ADAMTS1: variants seen among roughly 807,000 people sequenced by gnomAD.
ADAMTS1 encodes the protein A disintegrin and metalloproteinase with thrombospondin motifs 1.
Under a neutral mutation model 87.9 loss-of-function variants are expected in ADAMTS1, and 19 were observed. The observed-to-expected ratio is 0.22, with a 90% CI of 0.15 to 0.32. The LOEUF is 0.32. Ranked by LOEUF, ADAMTS1 falls within the 10% of genes least tolerant of loss-of-function variation. The pLI is 1.00. For synonymous variants in ADAMTS1, 542 were observed against 501.8 expected (o/e 1.08, Z -1.07); for missense variants, 1,240 against 1,259.1 (o/e 0.98, Z 0.23).
intron 3 of ADAMTS1, chr21:26,841,570 T>A (rs1165357566): frequency 3.8e-5 from 12 of 317,434 alleles, no homozygotes; most frequent in Non-Finnish European, 6.8e-5. Flanking sequence ...AAATAACATT[T>A]CTAGAGAAAG....
Position 26,844,276 on chromosome 21 carries a change from C to CCCCTTCGTCCTCGCCCTCAGT in ADAMTS1, c.658_678dup (p.Thr220_Gly226dup), listed in dbSNP as rs766117567. The CCCCTTCGTCCTCGCCCTCAGT allele has an allele frequency of 1.2e-5, 19 of 1,599,284 alleles. No homozygotes were observed. The highest frequency in any genetic ancestry group is 1.4e-5 in the Non-Finnish European group (17 of 1,173,274). On this transcript the variant is annotated inframe_insertion, in exon 1 of 9. Coordinates refer to ENST00000284984, the MANE Select transcript of ADAMTS1 (RefSeq NM_006988.5). Reference sequence around the variant, plus strand: ...GCCGGGTCCTGCGGCGACCACTGAGCCCCTTCGTCCTCGCCCTCAGTCCCT... The same window carrying CCCCTTCGTCCTCGCCCTCAGT: ...GCCGGGTCCTGCGGCGACCACTGAGCCCCTTCGTCCTCGCCCTCAGTCCCTTCGTCCTCGCCCTCAGTCCCT...
chr21:26,841,748 A>G, intron 3 of ADAMTS1, 110 bp downstream of exon 3: 1 of 1,218,700 alleles, frequency 8.2e-7, no homozygotes, highest in East Asian at 2.4e-5. Context: ...AGTTTCTAAG[A>G]TGCACTAGGA....
chr21:26,843,553 T>C (rs1038746237), intron 1 of ADAMTS1: 4 of 469,502 alleles, frequency 8.5e-6, no homozygotes, highest in African/African-American at 4.0e-5. Context: ...CTTTCAACAG[T>C]GCTTGAGAGC....
At position 26,841,957 on chromosome 21, in the gene ADAMTS1, C is replaced by T; in HGVS notation, c.1111G>A (p.Gly371Arg). 1.2e-6 allele frequency: 2 copies of T among 1,614,092 alleles called. No individual in the cohort carries two copies. The highest frequency in any genetic ancestry group is 1.3e-5 in the African/African-American group (1 of 75,038). Residue 371 changes from glycine to arginine, a missense_variant, in exon 3 of 9, where the codon GGG (glycine) becomes AGG (arginine). By Grantham distance (125) the Gly-to-Arg change is moderately radical (BLOSUM62 -2). Around this residue, in one of 3 missense-constraint regions of ADAMTS1, gnomAD observed 317 missense variants for 410.3 expected, o/e 0.77. Coordinates refer to ENST00000284984, the MANE Select transcript of ADAMTS1 (RefSeq NM_006988.5). ...CACACAGTTCCAACATCAGCCATCC[C>T]AAGAGTATCACATGTCTGGGACCCA... ...LCGSQTCDTL[G>R]MADVGTVCDP...
rs763056812 is a variant in ADAMTS1, at chr21:26,839,772, GAAT to G, written c.1853-13_1853-11del. 6.2e-7 allele frequency: 1 copy of G among 1,604,340 alleles called. No homozygotes were observed. ...TCTCTAAAGGTTTTTCCTGGAAAGA[GAAT>G]AATATGATAACATTATCAGTTTCCA... On this transcript the variant is annotated splice_polypyrimidine_tract_variant and intron_variant, in intron 6 of 8. Transcript: ENST00000284984.
Position 26,842,301 on chromosome 21 carries a change from A to G in ADAMTS1, c.1077+38T>C, listed in dbSNP as rs765758277. 6 of 1,589,408 alleles carry G rather than the reference A, an allele frequency of 3.8e-6. No homozygotes were observed. The South Asian group carries it at 4.6e-5, about 12-fold the overall frequency. ...CTTTTTGGTACAACGTAGACTCCTA[A>G]GAGGACAGTCTCACAGCTGGTACCA... On this transcript the variant is annotated intron_variant, in intron 2 of 8. Transcript: ENST00000284984.
rs1245661624 is a variant in ADAMTS1, at chr21:26,844,266, G to A, written c.689C>T (p.Ser230Leu). ...TEGEDEGAQWSPQDPALQGVG... is the reference protein window; with the variant it reads ...TEGEDEGAQWLPQDPALQGVG... The stretch of plus-strand genomic sequence containing the variant: ...GCCTTGCAGTGCCGGGTCCTGCGGC[G>A]ACCACTGAGCCCCTTCGTCCTCGCC... Residue 230 changes from serine (S) to leucine (L), a missense_variant, in exon 1 of 9, where the codon TCG becomes TTG. Coordinates refer to ENST00000284984, the MANE Select transcript of ADAMTS1 (RefSeq NM_006988.5). 2 of 1,589,736 alleles carry A rather than the reference G, an allele frequency of 1.3e-6. No homozygotes were observed. The highest frequency in any genetic ancestry group is 2.3e-5 in the South Asian group (2 of 87,480).
chr21:26,837,761 G>C lies in ADAMTS1; in HGVS notation c.2722C>G (p.Pro908Ala), dbSNP rs772818109. 3.7e-6 allele frequency: 6 copies of C among 1,614,184 alleles called. No individual in the cohort carries two copies. Among genetic ancestry groups the C allele is most frequent in the Non-Finnish European group, 5.1e-6 (6 of 1,180,042 alleles). Residue 908 changes from proline to alanine, a missense_variant, in exon 9 of 9, where the codon CCC (proline) becomes GCC (alanine). Coordinates refer to ENST00000284984, the MANE Select transcript of ADAMTS1 (RefSeq NM_006988.5). ...PASTRPCADH[P>A]CPQWQLGEWS... ...TCCCCCAGCTGCCACTGGGGGCAGG[G>C]ATGGTCTGCACAAGGTCTGGTGCTG...
Position 26,839,696 on chromosome 21 carries a change from C to A in ADAMTS1, c.1919G>T (p.Gly640Val). 3 of 1,613,670 alleles carry A rather than the reference C, an allele frequency of 1.9e-6. No homozygotes were observed. Among genetic ancestry groups the A allele is most frequent in the Non-Finnish European group, 2.5e-6 (3 of 1,179,634 alleles). Residue 640 changes from glycine (G) to valine (V), a missense_variant, in exon 7 of 9, where the codon GGG becomes GTG. Physicochemically the swap from Gly to Val is moderately radical, Grantham distance 109. This residue lies in a region of ADAMTS1 where 402 missense variants were observed against 399.1 expected (regional missense o/e 1.01). Transcript: ENST00000284984. Reference protein sequence around the residue: ...NEFSKASFGSGPAVEWIPKYA... With the variant: ...NEFSKASFGSVPAVEWIPKYA... ...CTTGGGAATCCATTCCACCGCAGGC[C>A]CACTCCCAAAGGAAGCTTTTGAAAA...
chr21:26,840,748 A>G (rs1985476656), intron 4 of ADAMTS1, among the ~76,000 whole-genome samples, 186 bp from the exon 5 acceptor site: 1 of 152,216 alleles, frequency 6.6e-6, no homozygotes, highest in Non-Finnish European at 1.5e-5. Context: ...TCAATGGGGT[A>G]TTTCTATATT....
In ADAMTS1 at chr21:26,838,475, G is replaced by C. The variant is rs1985424088; in HGVS notation, c.2168C>G (p.Thr723Ser). The C allele has an allele frequency of 1.9e-6, 3 of 1,614,080 alleles. No individual in the cohort carries two copies. Among genetic ancestry groups the C allele is most frequent in the Admixed American group, 1.7e-5 (1 of 60,020 alleles). ...KCGVCGGNGS[T>S]CKKISGSVTS... ...AACTGATCCTGATATTTTTTTACAA[G>C]TAGATCCATTTCCCCCGCAAACACC... is the stretch of plus-strand genomic sequence containing the variant. The change falls in exon 8 of 9, where the codon ACT (threonine) becomes AGT (serine). Residue 723 changes from threonine (T) to serine (S), a missense_variant. Coordinates refer to ENST00000284984, the MANE Select transcript of ADAMTS1 (RefSeq NM_006988.5).
chr21:26,838,624 G>C lies in ADAMTS1; in HGVS notation c.2029-10C>G, dbSNP rs771671933. ...GAGTACCATCTACAACCTGAAAAAAGGACACATGTCTAGTGTTACATACAA... is the reference window on the plus strand; with the variant it reads ...GAGTACCATCTACAACCTGAAAAAACGACACATGTCTAGTGTTACATACAA... On this transcript the variant is annotated splice_polypyrimidine_tract_variant and intron_variant, in intron 7 of 8. Transcript: ENST00000284984. The C allele has an allele frequency of 6.2e-7, 1 of 1,612,232 alleles. No individual in the cohort carries two copies. The highest frequency in any genetic ancestry group is 1.3e-5 in the African/African-American group (1 of 74,868).
In ADAMTS1 at chr21:26,837,886, C is replaced by T; in HGVS notation, c.2597G>A (p.Cys866Tyr). The T allele has an allele frequency of 6.2e-7, 1 of 1,614,228 alleles. No individual in the cohort carries two copies. Among genetic ancestry groups the T allele is most frequent in the Non-Finnish European group, 8.5e-7 (1 of 1,180,038 alleles). Residue 866 changes from cysteine to tyrosine, a missense_variant, in exon 9 of 9, where the codon TGT (cysteine) becomes TAT (tyrosine). Cys to Tyr is a radical substitution (Grantham distance 194). Transcript: ENST00000284984. ...CCAACCCAATTCACATGACTTAGAA[C>T]ATTCGCCCCACTCTTCAATGACCCA... ...SAWVIEEWGE[C>Y]SKSCELGWQR...
At position 26,842,666 on chromosome 21, in the gene ADAMTS1, C is replaced by A; in HGVS notation, c.750G>T (p.Lys250Asn). The change falls in exon 2 of 9, where the codon AAG becomes AAT. Residue 250 changes from lysine to asparagine, a missense_variant. This residue lies in a region of ADAMTS1 where 521 missense variants were observed against 449.7 expected (regional missense o/e 1.16). Transcript: ENST00000284984. ...AGCGGTGACTGGACACAAATCGCTT[C>A]TTTCTTATGCTTCCAGTTCCTGTAA... Reference protein sequence around the residue: ...GQPTGTGSIRKKRFVSSHRYV... With the variant: ...GQPTGTGSIRNKRFVSSHRYV... 1 of 1,612,520 alleles carries A rather than the reference C, an allele frequency of 6.2e-7. No individual in the cohort carries two copies. Among genetic ancestry groups the A allele is most frequent in the Non-Finnish European group, 8.5e-7 (1 of 1,179,348 alleles).
rs756649713 is a variant in ADAMTS1, at chr21:26,838,076, C to T, written c.2407G>A (p.Gly803Ser). 16 of 1,613,996 alleles carry T rather than the reference C, an allele frequency of 9.9e-6. No individual in the cohort carries two copies. The highest frequency in any genetic ancestry group is 3.3e-4 in the Middle Eastern group (2 of 6,084). ...ATTCTTTCCAATGCCGCAGAGGAGC[C>T]GCTGTACCTCAAGACAACACCTTTG... The part of the protein sequence containing the change: ...MYKGVVLRYS[G>S]SSAALERIRS... Residue 803 changes from glycine (G) to serine (S), a missense_variant, in exon 9 of 9, where the codon GGC becomes AGC. Physicochemically the swap from Gly to Ser is moderately conservative, Grantham distance 56 (BLOSUM62 0). Around this residue, in one of 3 missense-constraint regions of ADAMTS1, gnomAD observed 402 missense variants for 399.1 expected, o/e 1.01. Coordinates refer to ENST00000284984, the MANE Select transcript of ADAMTS1 (RefSeq NM_006988.5).
chr21:26,845,209 A>G lies in ADAMTS1; in HGVS notation c.-255T>C, dbSNP rs960071506. 7.2e-6 allele frequency: 3 copies of G among 415,772 alleles called. No homozygotes were observed. Among genetic ancestry groups the G allele is most frequent in the Non-Finnish European group, 1.2e-5 (3 of 243,730 alleles). 25.8% of individuals were successfully genotyped at this position (415,772 alleles called of 1,614,324 possible). On this transcript the variant is annotated 5_prime_UTR_variant, in exon 1 of 9. Transcript: ENST00000284984. ...GAGACACTGAGAGGCAGGCGCAGGC[A>G]GAGTGGCTCTGCTGGGACAAGAAGC...
rs75940928 is a variant in ADAMTS1, at chr21:26,837,624, T to C, written c.2859A>G (p.Lys953=). ...TGCAAAAGTCTATGAAATGTTTAGGTTTCTTTAAAGGATCACAGCTCTCAT... is the reference window on the plus strand; with the variant it reads ...TGCAAAAGTCTATGAAATGTTTAGGCTTCTTTAAAGGATCACAGCTCTCAT... ...LSHESCDPLK[K]PKHFIDFCTM... is the part of the protein sequence containing the mutation. The change falls in exon 9 of 9, where the codon AAA becomes AAG. Residue 953 remains lysine, a synonymous_variant. Coordinates refer to ENST00000284984, the MANE Select transcript of ADAMTS1 (RefSeq NM_006988.5). 1.9e-6 allele frequency: 3 copies of C among 1,614,198 alleles called. No individual in the cohort carries two copies. Among genetic ancestry groups the C allele is most frequent in the Non-Finnish European group, 2.5e-6 (3 of 1,180,032 alleles).
chr21:26,838,443 C>T lies in ADAMTS1; in HGVS notation c.2200G>A (p.Ala734Thr). 1 of 1,614,130 alleles carries T rather than the reference C, an allele frequency of 6.2e-7. No homozygotes were observed. Among genetic ancestry groups the T allele is most frequent in the Non-Finnish European group, 8.5e-7 (1 of 1,180,000 alleles). ...AATAGGTGTTTTAAAACTTACTTTG[C>T]ACTAGTAACTGATCCTGATATTTTT... ...CKKISGSVTS[A>T]KPGYHDIITI... Residue 734 changes from alanine (A) to threonine (T), a missense_variant, in exon 8 of 9, where the codon GCA (alanine) becomes ACA (threonine). Coordinates refer to ENST00000284984, the MANE Select transcript of ADAMTS1 (RefSeq NM_006988.5).
In ADAMTS1 at chr21:26,844,845, AGCAGCGTGG is replaced by A; in HGVS notation, c.101_109del (p.Pro34_Leu36del). The A allele has an allele frequency of 1.9e-6, 3 of 1,559,444 alleles. No individual in the cohort carries two copies. Among genetic ancestry groups the A allele is most frequent in the Non-Finnish European group, 2.6e-6 (3 of 1,153,080 alleles). ...GGCCAGTAGCGCCGCGGCGAGCAGC[AGCAGCGTGG>A]GTACTGGCCCAAAGCTCCGAGACCC... is the stretch of plus-strand genomic sequence containing the variant. On this transcript the variant is annotated inframe_deletion, in exon 1 of 9. Coordinates refer to ENST00000284984, the MANE Select transcript of ADAMTS1 (RefSeq NM_006988.5).
Sources: gnomAD v4.1 joint callset for allele counts (sites outside exome capture counted in the v4.1 genomes callset) on GRCh38, gnomAD v4.1.1 for gene constraint, gnomAD v4.1.1 regional missense constraint, MANE v1.5 for transcripts, NCBI Gene and HGNC (gene_info 2026-07-23, HGNC 2026-07-21) for gene names.